ANGPTL6: variants seen among roughly 807,000 people sequenced by gnomAD.
ANGPTL6 encodes angiopoietin-related protein 6.
ANGPTL6 carries 45 observed loss-of-function variants against 47.4 expected under a neutral mutation model. That is an observed-to-expected ratio of 0.95 (90% CI 0.75 to 1.22). The LOEUF is 1.22. Ranked by LOEUF, ANGPTL6 falls within the 50% of genes most tolerant of loss-of-function variation. The pLI is 0.00. For missense variants in ANGPTL6, 698 were observed against 669.4 expected (o/e 1.04, Z -0.47); for synonymous variants, 290 against 295.9 (o/e 0.98, Z 0.20).
chr19:10,099,441 G>A (rs1328853678), intron 1 of ANGPTL6, among the ~76,000 whole-genome samples: 1 of 152,006 alleles, frequency 6.6e-6, no homozygotes, highest in African/African-American at 2.4e-5. Flanking sequence ...GCCAGGCGTG[G>A]TGGCGGCTGC....
rs767099642 is a variant in ANGPTL6 at position 10,092,419 on chromosome 19, T to C, written c.*170A>G. 9.2e-6 allele frequency: 14 copies of C among 1,516,094 alleles called. No individual in the cohort carries two copies. Among genetic ancestry groups the C allele is most frequent in the African/African-American group, 1.4e-5 (1 of 71,084 alleles). 93.9% of individuals were successfully genotyped at this position (1,516,094 alleles called of 1,614,324 possible). ...TGGGGAGCCATCTGAGGCCAAGATA[T>C]TGACGGGGGGGATTCCTGGGTCCCA... On this transcript the variant is annotated 3_prime_UTR_variant, in exon 6 of 6. Coordinates refer to ENST00000253109, the MANE Select transcript of ANGPTL6 (RefSeq NM_031917.3).
rs771827712 is a variant in ANGPTL6, at chr19:10,092,739, A to C, written c.1263T>G (p.His421Gln). ...ALYQRGGWWY[H>Q]ACAHSNLNGV... is the part of the protein sequence containing the mutation. ...CGTTGAGGTTGGAGTGGGCACAGGC[A>C]TGGTACCACCAGCCTCCCCGCTGGT... The change falls in exon 6 of 6, where the codon CAT becomes CAG. Residue 421 changes from histidine (H) to glutamine (Q), a missense_variant. Physicochemically the swap from His to Gln is conservative, Grantham distance 24. Transcript: ENST00000253109. 6.2e-6 allele frequency: 10 copies of C among 1,612,060 alleles called. No homozygotes were observed. In the South Asian group the frequency reaches 9.9e-5, roughly 16 times the overall value.
chr19:10,094,390 C>G, intron 3 of ANGPTL6: 1 of 281,022 alleles, frequency 3.6e-6, no homozygotes, highest in South Asian at 3.5e-5. Context: ...TCGTGATCCA[C>G]CCGCCTCGGC....
chr19:10,105,910 G>A (rs2088808184), upstream of ANGPTL6, among the ~76,000 whole-genome samples: 1 of 152,180 alleles, frequency 6.6e-6, no homozygotes. Context: ...AGGGGTACCC[G>A]GGGAGGACAG....
upstream of ANGPTL6, chr19:10,106,141 G>A (rs1164554301): frequency 9.7e-6 from 6 of 619,274 alleles, no homozygotes; most frequent in East Asian, 9.2e-5. Context: ...ATGGGCCGAA[G>A]CGGGATTCGA....
chr19:10,096,677 G>A, intron 1 of ANGPTL6, 104 bp from the exon 2 acceptor site: 3 of 930,854 alleles, frequency 3.2e-6, no homozygotes, highest in Non-Finnish European at 4.5e-6. Flanking sequence ...GATGTCCCGG[G>A]CCCATAATTT....
Position 10,093,333 on chromosome 19 carries a change from TAGG to T in ANGPTL6, c.1222+13_1222+15del, listed in dbSNP as rs2145165082. The T allele has an allele frequency of 6.2e-7, 1 of 1,606,868 alleles. No homozygotes were observed. The highest frequency in any genetic ancestry group is 8.5e-7 in the Non-Finnish European group (1 of 1,174,460). ...CGCCTCCCCTATCCTCTCACCAGAA[TAGG>T]AGTTCTCCTTACCAGAATAGGAGTC... On this transcript the variant is annotated intron_variant, in intron 5 of 5. Transcript: ENST00000253109.
chr19:10,104,007 C>T (rs553720811), upstream of ANGPTL6, among the ~76,000 whole-genome samples: 187 of 146,520 alleles, frequency 1.3e-3, no homozygotes, highest in Non-Finnish European at 2.2e-3. Flanking sequence ...GCAGGAGAAT[C>T]GCTTGAACCC....
chr19:10,095,103 A>G lies in ANGPTL6; in HGVS notation c.583-165T>C, dbSNP rs1310700484. On this transcript the variant is annotated intron_variant, in intron 2 of 5. Coordinates refer to ENST00000253109, the MANE Select transcript of ANGPTL6 (RefSeq NM_031917.3). ...GAATGATCCTCCCCAAAAGCTAAAC[A>G]ACTTGGCTTTAAAGTGCAGACAGGC... Among the ~76,000 whole-genome samples the G allele has an allele frequency of 2.0e-5, 3 of 152,314 alleles. No individual in the cohort carries two copies. In the East Asian group the frequency reaches 5.8e-4, roughly 29 times the overall value.
Position 10,092,579 on chromosome 19 carries a change from G to A in ANGPTL6, c.*10C>T, listed in dbSNP as rs1373750285. On this transcript the variant is annotated 3_prime_UTR_variant, in exon 6 of 6. Transcript: ENST00000253109. ...GTCCTCTAGGGCCTAGGGGACAGAG[G>A]AACACAGAGTCACAGCTTCAGGGGC... The A allele has an allele frequency of 6.3e-7, 1 of 1,596,870 alleles. No homozygotes were observed. Among genetic ancestry groups the A allele is most frequent in the Admixed American group, 1.7e-5 (1 of 59,260 alleles).
rs772872134 is a variant in ANGPTL6, at chr19:10,096,452, A to G, written c.112T>C (p.Phe38Leu). The G allele has an allele frequency of 3.4e-6, 5 of 1,461,766 alleles. No individual in the cohort carries two copies. Among genetic ancestry groups the G allele is most frequent in the Non-Finnish European group, 4.5e-6 (5 of 1,115,820 alleles). The allele number at this position is 1,461,766 out of a possible 1,614,324, so 90.5% of individuals were successfully genotyped here. A position where few individuals can be genotyped will look rare whatever the true frequency, so the allele number is the denominator to read the frequency against. The change falls in exon 2 of 6, where the codon TTC (phenylalanine) becomes CTC (leucine). Residue 38 changes from phenylalanine (F) to leucine (L), a missense_variant. Coordinates refer to ENST00000253109, the MANE Select transcript of ANGPTL6 (RefSeq NM_031917.3). Reference protein sequence around the residue: ...TYTFVLPPQKFTGAVCWSGPA... With the variant: ...TYTFVLPPQKLTGAVCWSGPA... ...CCGCTCCAGCACACAGCGCCCGTGA[A>G]CTTCTGCGGGGGCAGCACGAAGGTG...
In ANGPTL6 at chr19:10,096,294, G is replaced by C. The variant is rs960717675; in HGVS notation, c.270C>G (p.Ala90=). The change falls in exon 2 of 6, where the codon GCC becomes GCG. Residue 90 remains alanine, a synonymous_variant. Transcript: ENST00000253109. ...QRLAAADGAV[A]GEVRALRKES... ...CCTTGCGCAGCGCGCGCACCTCGCC[G>C]GCCACGGCGCCGTCGGCCGCCGCCA... 6.7e-5 allele frequency: 82 copies of C among 1,227,572 alleles called. 1 individual carries two copies. Among genetic ancestry groups the C allele is most frequent in the Admixed American group, 1.3e-4 (3 of 23,128 alleles). The allele number at this position is 1,227,572 out of a possible 1,614,324, so 76.0% of individuals were successfully genotyped here.
At position 10,096,152 on chromosome 19, in the gene ANGPTL6, G is replaced by C. The variant is rs749904371; in HGVS notation, c.412C>G (p.Leu138Val). ...GCGTTGAGCACGCGCTCCCCGAGCA[G>C]CGCCAGCGCCGCGGCAGGCTCCGCC... The part of the protein sequence containing the change: ...LGAEPAAALA[L>V]LGERVLNASA... The change falls in exon 2 of 6, where the codon CTG (leucine) becomes GTG (valine). Residue 138 changes from leucine to valine, a missense_variant. Transcript: ENST00000253109. 7.5e-7 allele frequency: 1 copy of C among 1,334,204 alleles called. No homozygotes were observed. Among genetic ancestry groups the C allele is most frequent in the Non-Finnish European group, 9.6e-7 (1 of 1,042,246 alleles). 82.6% of individuals were successfully genotyped at this position (1,334,204 alleles called of 1,614,324 possible).
rs2088424020 is a variant in ANGPTL6, at chr19:10,092,784, G to A, written c.1223-5C>T. The stretch of plus-strand genomic sequence containing the variant: ...GCTGGTACAGGGCACAGTTACCTGA[G>A]GGGAGAGAGAGAGTCCATGTCCTCT... On this transcript the variant is annotated splice_region_variant and splice_polypyrimidine_tract_variant and intron_variant, in intron 5 of 5. Transcript: ENST00000253109. 1.3e-6 allele frequency: 2 copies of A among 1,590,278 alleles called. No individual in the cohort carries two copies. The highest frequency in any genetic ancestry group is 1.7e-6 in the Non-Finnish European group (2 of 1,162,730).
chr19:10,099,042 G>A (rs141903672), intron 1 of ANGPTL6, among the ~76,000 whole-genome samples: 76 of 152,080 alleles, frequency 5.0e-4, no homozygotes, highest in Non-Finnish European at 8.8e-4. Flanking sequence ...CCACGTCTCC[G>A]CTACTCCCCA....
Position 10,094,940 on chromosome 19 carries a change from T to C in ANGPTL6, c.583-2A>G. 1 of 1,599,274 alleles carries C rather than the reference T, an allele frequency of 6.3e-7. No individual in the cohort carries two copies. The highest frequency in any genetic ancestry group is 8.5e-7 in the Non-Finnish European group (1 of 1,171,392). On this transcript the variant is annotated splice_acceptor_variant, in intron 2 of 5. Coordinates refer to ENST00000253109, the MANE Select transcript of ANGPTL6 (RefSeq NM_031917.3). LOFTEE classifies it high-confidence loss of function. The stretch of plus-strand genomic sequence containing the variant: ...CACCAGTGGGGGTGGCGGCAGGACC[T>C]GGGGTGACGGAGAAAGTCAGGTGTA...
intron 1 of ANGPTL6, among the ~76,000 whole-genome samples, chr19:10,100,159 G>A (rs781213696): frequency 1.3e-5 from 2 of 151,620 alleles, no homozygotes; most frequent in Non-Finnish European, 2.9e-5. Context: ...TGAGGCAGAA[G>A]AACGGCTTGA....
chr19:10,099,469 C>T (rs1055635920), intron 1 of ANGPTL6, among the ~76,000 whole-genome samples: 2 of 146,594 alleles, frequency 1.4e-5, no homozygotes, highest in Non-Finnish European at 3.0e-5. Context: ...CCCAGCTACT[C>T]GGGAGGCTGA....
chr19:10,097,736 C>T (rs8107814), intron 1 of ANGPTL6, among the ~76,000 whole-genome samples: 11,888 of 151,902 alleles, frequency 0.078, 525 homozygotes, highest in Non-Finnish European at 0.1. Context: ...ACTTGTAGTC[C>T]CAGCTACTTG....
Sources: allele counts gnomAD v4.1 joint callset (sites outside exome capture counted in the v4.1 genomes callset), GRCh38; gene constraint gnomAD v4.1.1; transcripts MANE v1.5; gene names NCBI Gene and HGNC (gene_info 2026-07-23, HGNC 2026-07-21).